TOX2: variants seen among roughly 807,000 people sequenced by gnomAD.
The protein encoded by TOX2 is TOX high mobility group box family member 2.
TOX2 carries 15 observed loss-of-function variants against 47.4 expected under a neutral mutation model. The observed-to-expected ratio is 0.32, with a 90% CI of 0.21 to 0.49. The LOEUF is 0.49. Among genes scored for constraint, TOX2 ranks in the 20% least tolerant of loss-of-function variants. TOX2 has a pLI of 0.99. For synonymous variants in TOX2, 290 were observed against 296.6 expected (o/e 0.98, Z 0.23); for missense variants, 622 against 673.1 (o/e 0.92, Z 0.84).
chr20:44,035,173 A>G (rs944465679), intron 3 of TOX2, among the ~76,000 whole-genome samples: 2 of 152,224 alleles, frequency 1.3e-5, no homozygotes, highest in Admixed American at 6.5e-5. Flanking sequence ...ATGTGCAGCC[A>G]GAGTGGTTCC....
intron 3 of TOX2, among the ~76,000 whole-genome samples, chr20:44,046,898 C>G (rs2071417317): frequency 6.6e-6 from 1 of 152,152 alleles, no homozygotes; most frequent in Non-Finnish European, 1.5e-5. Flanking sequence ...ACATATACCC[C>G]TGAACCTAAA....
chr20:44,053,397 T>G (rs1279670450), intron 4 of TOX2, among the ~76,000 whole-genome samples: 1 of 151,354 alleles, frequency 6.6e-6, no homozygotes, highest in Non-Finnish European at 1.5e-5. Context: ...TAATGCAGGA[T>G]CCTTTTTGGG....
intron 1 of TOX2, among the ~76,000 whole-genome samples, chr20:43,930,507 T>C (rs2069238016): frequency 6.6e-6 from 1 of 152,222 alleles, no homozygotes; most frequent in Non-Finnish European, 1.5e-5. Flanking sequence ...CTTGACCCTT[T>C]GGGGCAAGGC....
chr20:43,933,821 C>T (rs1241400394), intron 1 of TOX2, among the ~76,000 whole-genome samples: 1 of 152,030 alleles, frequency 6.6e-6, no homozygotes, highest in Non-Finnish European at 1.5e-5. Context: ...GCACTCAGCC[C>T]CCGGGGTGTG....
chr20:43,919,811 A>G (rs1278217486), intron 1 of TOX2, among the ~76,000 whole-genome samples: 1 of 152,194 alleles, frequency 6.6e-6, no homozygotes, highest in African/African-American at 2.4e-5. Flanking sequence ...GCTGAGGATA[A>G]TGGCTTCCAG....
intron 3 of TOX2, among the ~76,000 whole-genome samples, chr20:44,041,577 T>TTCA (rs2071332378): frequency 6.6e-6 from 1 of 152,212 alleles, no homozygotes; most frequent in African/African-American, 2.4e-5. Flanking sequence ...TGTGAGACCC[T>TTCA]GAAGTGCGGT....
intron 1 of TOX2, among the ~76,000 whole-genome samples, chr20:43,927,573 A>G (rs1358824175): frequency 6.9e-6 from 1 of 145,486 alleles, no homozygotes; most frequent in African/African-American, 2.6e-5. Flanking sequence ...TGGCTTTGCC[A>G]CCTATGAAGA....
In TOX2 at chr20:43,976,239, T is replaced by C. The variant is rs191215772; in HGVS notation, c.165+2807T>C. 2.6e-3 allele frequency among the ~76,000 whole-genome samples: 398 copies of C among 152,314 alleles called. 2 individuals carry two copies. Among genetic ancestry groups the C allele is most frequent in the Middle Eastern group, 0.017 (5 of 294 alleles). On this transcript the variant is annotated intron_variant, in intron 2 of 8. Coordinates refer to ENST00000341197, the MANE Select transcript of TOX2 (RefSeq NM_001098797.2). ...GGGTCAGCAGTTTAACTGAGTTCAG[T>C]TGGGTGGTTCTTCTGGCCTTGCTTA...
chr20:43,991,904 G>T (rs1486542439), intron 2 of TOX2, among the ~76,000 whole-genome samples: 1 of 152,060 alleles, frequency 6.6e-6, no homozygotes, highest in East Asian at 1.9e-4. Context: ...CAAAGTGCTA[G>T]GATTACAGAC....
At chr20:43,936,188 C>G (rs189558750) in intron 1 of TOX2, among the ~76,000 whole-genome samples, 221 of 152,310 alleles carry the variant, frequency 1.5e-3, no homozygotes, top group African/African-American at 5.0e-3. Flanking sequence ...CTTGTCCCAG[C>G]TCAAGGCAAT....
intron 8 of TOX2, among the ~76,000 whole-genome samples, chr20:44,068,378 G>A (rs111719776): frequency 2.6e-5 from 4 of 152,190 alleles, no homozygotes; most frequent in East Asian, 1.9e-4. Flanking sequence ...TGGTGACATC[G>A]GCGTGCGCCT....
intron 1 of TOX2, among the ~76,000 whole-genome samples, chr20:43,927,610 T>TTCCC (rs750106075): frequency 1.2e-5 from 1 of 80,884 alleles, no homozygotes; most frequent in Non-Finnish European, 2.0e-5. Flanking sequence ...CCTTCCTTCC[T>TTCCC]TCCTTCCTTC....
At chr20:44,067,368 A>T (rs1309161584) in intron 8 of TOX2, among the ~76,000 whole-genome samples, 1 of 152,098 alleles carries the variant, frequency 6.6e-6, no homozygotes, top group Non-Finnish European at 1.5e-5. Context: ...AGTGGCTCCC[A>T]CCTGGAGGTC....
chr20:43,928,667 C>T (rs1257481678), intron 1 of TOX2, among the ~76,000 whole-genome samples: 1 of 152,218 alleles, frequency 6.6e-6, no homozygotes, highest in Non-Finnish European at 1.5e-5. Flanking sequence ...CTGTCATTCG[C>T]TTCTTTGTCT....
At chr20:44,005,920 C>G (rs191538096) in intron 2 of TOX2, among the ~76,000 whole-genome samples, 1 of 151,886 alleles carries the variant, frequency 6.6e-6, no homozygotes, top group Non-Finnish European at 1.5e-5. Context: ...CTGGAGGTTC[C>G]TGGACAGTTT....
chr20:43,983,160 C>G (rs1263323541), intron 2 of TOX2, among the ~76,000 whole-genome samples: 2 of 151,938 alleles, frequency 1.3e-5, no homozygotes, highest in African/African-American at 4.8e-5. Flanking sequence ...CATCCCTTCC[C>G]GATGCTCCAG....
At chr20:44,056,303 G>T (rs142868412) in intron 5 of TOX2, among the ~76,000 whole-genome samples, 563 of 152,340 alleles carry the variant, frequency 3.7e-3, no homozygotes, top group Non-Finnish European at 6.3e-3. Context: ...TAGGACAGGG[G>T]TAAGGACTGG....
intron 2 of TOX2, among the ~76,000 whole-genome samples, chr20:44,005,868 A>G (rs1371470294): frequency 6.6e-6 from 1 of 152,070 alleles, no homozygotes; most frequent in Non-Finnish European, 1.5e-5. Context: ...ATAAGGAAAA[A>G]GGCCCGGATG....
At chr20:44,067,285 G>C (rs1425918313) in intron 8 of TOX2, among the ~76,000 whole-genome samples, 1 of 152,090 alleles carries the variant, frequency 6.6e-6, no homozygotes, top group African/African-American at 2.4e-5. Context: ...AGGAGCTGAG[G>C]GGGGATGTGG....
Sources: allele counts gnomAD v4.1 joint callset (sites outside exome capture counted in the v4.1 genomes callset), GRCh38; gene constraint gnomAD v4.1.1; transcripts MANE v1.5; gene names NCBI Gene and HGNC (gene_info 2026-07-23, HGNC 2026-07-21).